TTBK2: variants seen among roughly 807,000 people sequenced by gnomAD.
TTBK2 encodes the protein tau-tubulin kinase 2.
In TTBK2, 28 loss-of-function variants were observed where a neutral mutation model predicts 110.8. The observed-to-expected ratio is 0.25, with a 90% CI of 0.19 to 0.35. The LOEUF (loss-of-function observed/expected upper bound fraction) is 0.35, where lower values mean the gene tolerates loss of function less well. Ranked by LOEUF, TTBK2 falls within the 10% of genes least tolerant of loss-of-function variation. The pLI is 1.00. For synonymous variants in TTBK2, 532 were observed against 527.3 expected (o/e 1.01, Z -0.12); for missense variants, 1,369 against 1,500.3 (o/e 0.91, Z 1.45).
In TTBK2 at chr15:42,878,832, T is replaced by G. The variant is rs146503263; in HGVS notation, c.-67-148A>C. The G allele has an allele frequency of 5.3e-3, 5,396 of 1,024,000 alleles. 29 individuals carry two copies. Among genetic ancestry groups the G allele is most frequent in the South Asian group, 0.018 (1,107 of 60,318 alleles). The allele number at this position is 1,024,000 out of a possible 1,614,324, so 63.4% of individuals were successfully genotyped here. ...AAGGGGAAAAAGACCTAGAAATGTTTGATGCGTATTTTTAAAACCACGTAT... is the reference window on the plus strand; with the variant it reads ...AAGGGGAAAAAGACCTAGAAATGTTGGATGCGTATTTTTAAAACCACGTAT... On this transcript the variant is annotated intron_variant, in intron 1 of 14. Coordinates refer to ENST00000267890, the MANE Select transcript of TTBK2 (RefSeq NM_173500.4).
intron 3 of TTBK2, among the ~76,000 whole-genome samples, chr15:42,853,115 G>A (rs1893786089): frequency 6.6e-6 from 1 of 152,078 alleles, no homozygotes; most frequent in Admixed American, 6.6e-5. Context: ...GAGACTTCAG[G>A]GAAGTCTCCA....
intron 3 of TTBK2, among the ~76,000 whole-genome samples, chr15:42,843,700 A>G (rs1044492053): frequency 2.1e-5 from 3 of 144,818 alleles, no homozygotes; most frequent in Non-Finnish European, 3.0e-5. Context: ...AGGAGGCTGC[A>G]GTGAGCCAAG....
At position 42,752,564 on chromosome 15, in the gene TTBK2, T is replaced by C. The variant is rs1267217104; in HGVS notation, c.2682A>G (p.Gly894=). Residue 894 remains glycine, a synonymous_variant, in exon 14 of 15, where the codon GGA becomes GGG. Coordinates refer to ENST00000267890, the MANE Select transcript of TTBK2 (RefSeq NM_173500.4). ...CTTGGTGCAAAAAAGTAGAGAGGTC[T>C]CCTTGATGACCTGGCAAGTCTTCAC... ...IMSEDLPGHQ[G]DLSTFLHQEG... is the part of the protein sequence containing the mutation. 7 of 1,614,080 alleles carry C rather than the reference T, an allele frequency of 4.3e-6. No homozygotes were observed. The highest frequency in any genetic ancestry group is 1.3e-5 in the African/African-American group (1 of 74,942).
intron 3 of TTBK2, among the ~76,000 whole-genome samples, chr15:42,850,805 T>A (rs1027712020): frequency 1.3e-5 from 2 of 152,086 alleles, no homozygotes; most frequent in African/African-American, 4.8e-5. Context: ...GAATCTTGTA[T>A]GACCTGTGGA....
chr15:42,804,246 ACCAG>A (rs199560120), intron 9 of TTBK2, among the ~76,000 whole-genome samples: 1,551 of 152,076 alleles, frequency 0.01, 25 homozygotes, highest in African/African-American at 0.036. Flanking sequence ...GGAGTTCGAG[ACCAG>A]CCTGACCAAC....
At chr15:42,873,593 TA>T (rs915118095) in intron 2 of TTBK2, among the ~76,000 whole-genome samples, 8 of 151,080 alleles carry the variant, frequency 5.3e-5, no homozygotes, top group South Asian at 2.1e-4. Context: ...CAAATAAGAG[TA>T]AAAAAAAATC....
chr15:42,752,155 G>C lies in TTBK2; in HGVS notation c.3091C>G (p.His1031Asp), dbSNP rs762984697. ...TPFSRLTVDS[H>D]LSRSAEDSFL... The stretch of plus-strand genomic sequence containing the variant: ...CTATCTTCAGCTGACCTACTCAGGT[G>C]AGAATCTACTGTCAGTCTTGAAAAG... The change falls in exon 14 of 15, where the codon CAC (histidine) becomes GAC (aspartate). Residue 1031 changes from histidine (H) to aspartate (D), a missense_variant. Transcript: ENST00000267890. The C allele has an allele frequency of 1.2e-6, 2 of 1,614,218 alleles. No individual in the cohort carries two copies. Among genetic ancestry groups the C allele is most frequent in the Admixed American group, 3.3e-5 (2 of 60,026 alleles).
intron 10 of TTBK2, among the ~76,000 whole-genome samples, 184 bp downstream of exon 10, chr15:42,794,460 A>G (rs1414715671): frequency 6.6e-6 from 1 of 152,234 alleles, no homozygotes; most frequent in Non-Finnish European, 1.5e-5. Flanking sequence ...AGTATAATCT[A>G]TTAGTACTAT....
intron 9 of TTBK2, chr15:42,802,208 T>C: frequency 1.0e-6 from 1 of 996,082 alleles, no homozygotes; most frequent in South Asian, 1.3e-5. Context: ...AGGCTTTGGT[T>C]GACAGTGATG....
intron 9 of TTBK2, among the ~76,000 whole-genome samples, chr15:42,809,654 C>A (rs1891615598): frequency 6.6e-6 from 1 of 152,204 alleles, no homozygotes. Context: ...AGTGTATTTT[C>A]TCAATTTGTT....
At chr15:42,759,429 C>G (rs1256279506) in intron 13 of TTBK2, among the ~76,000 whole-genome samples, 1 of 152,224 alleles carries the variant, frequency 6.6e-6, no homozygotes, top group East Asian at 1.9e-4. Context: ...CTGCCCCTGG[C>G]AGGTGTGCCT....
chr15:42,894,091 G>A (rs1369401695), intron 1 of TTBK2, among the ~76,000 whole-genome samples: 1 of 152,206 alleles, frequency 6.6e-6, no homozygotes, highest in Non-Finnish European at 1.5e-5. Context: ...TCATGATGGT[G>A]AGTGAGTCTC....
intron 10 of TTBK2, among the ~76,000 whole-genome samples, chr15:42,791,915 G>A (rs1453428403): frequency 2.0e-5 from 3 of 152,206 alleles, no homozygotes; most frequent in Admixed American, 6.5e-5. Context: ...GCCGAGGCAG[G>A]TGGATCACCT....
At chr15:42,839,797 C>G (rs1893146341) in intron 4 of TTBK2, among the ~76,000 whole-genome samples, 2 of 152,030 alleles carry the variant, frequency 1.3e-5, no homozygotes, top group African/African-American at 4.8e-5. Context: ...GAAGTAGGTT[C>G]CTGATAAAAA....
At chr15:42,762,680 T>G (rs566485126) in intron 13 of TTBK2, among the ~76,000 whole-genome samples, 1 of 152,106 alleles carries the variant, frequency 6.6e-6, no homozygotes, top group African/African-American at 2.4e-5. Context: ...TCACCACCAC[T>G]GTACTCCAGC....
chr15:42,798,907 A>G (rs1006327792), intron 9 of TTBK2, among the ~76,000 whole-genome samples: 4 of 152,184 alleles, frequency 2.6e-5, no homozygotes, highest in African/African-American at 9.6e-5. Context: ...ACAGGCAAAA[A>G]TGCTACACAG....
chr15:42,794,543 G>A, intron 10 of TTBK2, 101 bp downstream of exon 10: 1 of 1,515,674 alleles, frequency 6.6e-7, no homozygotes, highest in East Asian at 2.3e-5. Flanking sequence ...TTTCCCGGAT[G>A]TCTTAGCATT....
At chr15:42,920,886 A>C (rs552645607), upstream of TTBK2, 2 of 152,868 alleles carry the variant, frequency 1.3e-5, no homozygotes, top group South Asian at 4.1e-4. Flanking sequence ...ACAGGTGCTG[A>C]TTGGAGAGTG....
intron 6 of TTBK2, among the ~76,000 whole-genome samples, chr15:42,826,081 C>T (rs375354021): frequency 9.2e-5 from 14 of 151,976 alleles, no homozygotes; most frequent in African/African-American, 2.2e-4. Flanking sequence ...GATAACATGA[C>T]GGTATACTTA....
Sources: gnomAD v4.1 joint callset for allele counts (sites outside exome capture counted in the v4.1 genomes callset) on GRCh38, gnomAD v4.1.1 for gene constraint, MANE v1.5 for transcripts, NCBI Gene and HGNC (gene_info 2026-07-23, HGNC 2026-07-21) for gene names.